Variants in ETV6 observed in about 807,000 individuals in gnomAD.
The protein encoded by ETV6 is ETS variant transcription factor 6, also known as transcription factor ETV6.
ETV6 carries 16 observed loss-of-function variants against 51.1 expected under a neutral mutation model. The ratio of observed to expected loss-of-function variants is 0.31; its 90% CI spans 0.21 to 0.48. ETV6 has a LOEUF of 0.48. Among genes scored for constraint, ETV6 ranks in the 20% least tolerant of loss-of-function variants. The pLI, the probability that ETV6 is intolerant of heterozygous loss-of-function variation, is 0.99. For synonymous variants in ETV6, 240 were observed against 224.1 expected (o/e 1.07, Z -0.64); for missense variants, 458 against 594.8 (o/e 0.77, Z 2.39).
chr12:11,657,579 A>G lies in ETV6; in HGVS notation c.33+7419A>G, dbSNP rs116562106. ...CGTGGATGAATGATTTATGAAAAGT[A>G]CTCCCCCATGAAGACACAAAAGAGG... On this transcript the variant is annotated intron_variant, in intron 1 of 7. Coordinates refer to ENST00000396373, the MANE Select transcript of ETV6 (RefSeq NM_001987.5). Among the ~76,000 whole-genome samples, 615 of 152,216 alleles carry G rather than the reference A, an allele frequency of 4.0e-3. 7 individuals carry two copies. The highest frequency in any genetic ancestry group is 0.014 in the African/African-American group (573 of 41,528).
At chr12:11,723,385 T>C (rs1277067857) in intron 1 of ETV6, among the ~76,000 whole-genome samples, 1 of 152,154 alleles carries the variant, frequency 6.6e-6, no homozygotes, top group Non-Finnish European at 1.5e-5. Context: ...TCTCCCTCCT[T>C]TCCCATGTCC....
At chr12:11,762,138 C>A (rs1945094369) in intron 2 of ETV6, among the ~76,000 whole-genome samples, 4 of 152,186 alleles carry the variant, frequency 2.6e-5, no homozygotes. Context: ...GAACTGGTGC[C>A]AGCTCCTAGG....
chr12:11,811,981 G>A (rs548125066), intron 2 of ETV6, among the ~76,000 whole-genome samples: 51 of 152,310 alleles, frequency 3.3e-4, no homozygotes, highest in African/African-American at 1.2e-3. Flanking sequence ...GGCTAACCCT[G>A]TCTAAAAGCA....
chr12:11,774,488 C>T lies in ETV6; in HGVS notation c.163+21909C>T, dbSNP rs79919743. Among the ~76,000 whole-genome samples the T allele has an allele frequency of 2.3e-3, 352 of 152,290 alleles. 2 individuals are homozygous for T. The highest frequency in any genetic ancestry group is 8.0e-3 in the African/African-American group (334 of 41,534). ...AAAGTGCCCTGCACACCTGCCTGTC[C>T]TAGGTCCTGTAGGGATGTGATATAA... On this transcript the variant is annotated intron_variant, in intron 2 of 7. Transcript: ENST00000396373.
intron 2 of ETV6, among the ~76,000 whole-genome samples, chr12:11,818,645 T>A (rs190792562): frequency 6.7e-4 from 102 of 152,258 alleles, no homozygotes; most frequent in African/African-American, 2.3e-3. Flanking sequence ...AGTTACGATA[T>A]GGGGCTTGGT....
At chr12:11,800,585 G>C (rs752282295) in intron 2 of ETV6, among the ~76,000 whole-genome samples, 1 of 152,056 alleles carries the variant, frequency 6.6e-6, no homozygotes, top group South Asian at 2.1e-4. Flanking sequence ...TACTCTGCTT[G>C]AGTTCAACTT....
intron 1 of ETV6, among the ~76,000 whole-genome samples, chr12:11,728,596 G>A (rs1199737093): frequency 6.6e-6 from 1 of 152,000 alleles, no homozygotes; most frequent in Non-Finnish European, 1.5e-5. Flanking sequence ...CACCAAACCA[G>A]TCCCTGGTGC....
chr12:11,849,652 C>G (rs73053904), intron 3 of ETV6, among the ~76,000 whole-genome samples: 1 of 152,126 alleles, frequency 6.6e-6, no homozygotes, highest in East Asian at 1.9e-4. Context: ...CAGATTCCAC[C>G]TCAGCAGAGA....
chr12:11,876,372 C>T (rs895005473), intron 5 of ETV6, among the ~76,000 whole-genome samples: 6 of 152,330 alleles, frequency 3.9e-5, no homozygotes, highest in Non-Finnish European at 5.9e-5. Flanking sequence ...TGCCAAATTT[C>T]GTATCCTTGC....
intron 3 of ETV6, among the ~76,000 whole-genome samples, chr12:11,847,776 T>C (rs1398047702): frequency 6.6e-6 from 1 of 152,014 alleles, no homozygotes; most frequent in African/African-American, 2.4e-5. Context: ...CCTGGGAAGT[T>C]TGGCTATAAA....
At chr12:11,671,617 AAAAT>A (rs1314213856) in intron 1 of ETV6, among the ~76,000 whole-genome samples, 7 of 152,328 alleles carry the variant, frequency 4.6e-5, no homozygotes, top group African/African-American at 9.6e-5. Flanking sequence ...TGTATCAATA[AAAAT>A]AAATAAATTC....
At chr12:11,887,626 T>C (rs1336676976) in intron 7 of ETV6, among the ~76,000 whole-genome samples, 1 of 151,772 alleles carries the variant, frequency 6.6e-6, no homozygotes, top group African/African-American at 2.4e-5. Context: ...CATGCACCTG[T>C]AGTCCCAGCT....
chr12:11,719,365 C>T (rs950211315), intron 1 of ETV6, among the ~76,000 whole-genome samples: 1 of 152,136 alleles, frequency 6.6e-6, no homozygotes, highest in African/African-American at 2.4e-5. Context: ...AAACATAGAC[C>T]CACGAAAGAT....
At chr12:11,782,368 AAAG>A (rs1945425848) in intron 2 of ETV6, among the ~76,000 whole-genome samples, 1 of 152,144 alleles carries the variant, frequency 6.6e-6, no homozygotes, top group Non-Finnish European at 1.5e-5. Context: ...TTAAGAGAGA[AAAG>A]AAGACTTTTT....
At chr12:11,708,259 A>AG (rs1372253718) in intron 1 of ETV6, among the ~76,000 whole-genome samples, 1 of 142,542 alleles carries the variant, frequency 7.0e-6, no homozygotes, top group African/African-American at 2.7e-5. Flanking sequence ...GTCTCAGTGA[A>AG]AAAAAAAAAA....
At chr12:11,679,647 CTATT>C (rs1399526951) in intron 1 of ETV6, among the ~76,000 whole-genome samples, 19 of 152,194 alleles carry the variant, frequency 1.2e-4, no homozygotes, top group African/African-American at 4.6e-4. Flanking sequence ...GGATCTGACT[CTATT>C]TATTCTTGTC....
intron 3 of ETV6, among the ~76,000 whole-genome samples, chr12:11,849,995 G>C (rs1946525448): frequency 6.6e-6 from 1 of 152,186 alleles, no homozygotes; most frequent in Non-Finnish European, 1.5e-5. Flanking sequence ...ACATGTCTGT[G>C]CATGGACTGA....
Position 11,839,204 on chromosome 12 carries a change from G to A in ETV6, c.228G>A (p.Glu76=), listed in dbSNP as rs548583307. ...AGTGGCTCAAGTGGGCTGAAAATGA[G>A]TTTTCTTTAAGGCCAATTGACAGCA... ...VAQWLKWAEN[E]FSLRPIDSNT... Residue 76 remains glutamate, a synonymous_variant, in exon 3 of 8, where the codon GAG becomes GAA. Coordinates refer to ENST00000396373, the MANE Select transcript of ETV6 (RefSeq NM_001987.5). The A allele has an allele frequency of 6.2e-7, 1 of 1,614,104 alleles. No individual in the cohort carries two copies. Among genetic ancestry groups the A allele is most frequent in the African/African-American group, 1.3e-5 (1 of 74,918 alleles).
chr12:11,660,972 A>G (rs1376341183), intron 1 of ETV6, among the ~76,000 whole-genome samples: 3 of 152,150 alleles, frequency 2.0e-5, no homozygotes, highest in African/African-American at 4.8e-5. Flanking sequence ...GAAGGATTGG[A>G]TCCGTGGTGC....
Sources: gnomAD v4.1 joint callset for allele counts (sites outside exome capture counted in the v4.1 genomes callset) on GRCh38, gnomAD v4.1.1 for gene constraint, MANE v1.5 for transcripts, NCBI Gene and HGNC (gene_info 2026-07-23, HGNC 2026-07-21) for gene names.